The following CDC14B variants were observed in gnomAD, a reference collection of about 807,000 sequenced individuals.
The protein encoded by CDC14B is cell division cycle 14B.
A neutral mutation model predicts 64.2 loss-of-function variants in CDC14B; 22 were observed. The observed-to-expected ratio is 0.34, with a 90% CI of 0.24 to 0.49. The LOEUF is 0.49. CDC14B is among the 20% of genes least tolerant of loss of function. The pLI is 0.99. For synonymous variants in CDC14B, 191 were observed against 215.8 expected (o/e 0.89, Z 1.01); for missense variants, 498 against 629.9 (o/e 0.79, Z 2.24).
At position 96,508,877 on chromosome 9, in the gene CDC14B, G is replaced by C. The variant is rs118119568; in HGVS notation, c.1460+796C>G. On this transcript the variant is annotated intron_variant, in intron 13 of 13. Coordinates refer to ENST00000375241, the MANE Select transcript of CDC14B (RefSeq NM_033331.4). ...GAAAAGAAGCAGGGTACACGTGCAG[G>C]ACATTTTAAAGTCTGGTTCTGATTA... Among the ~76,000 whole-genome samples the C allele has an allele frequency of 9.2e-3, 1,402 of 152,310 alleles. 37 individuals are homozygous for C. The highest frequency in any genetic ancestry group is 0.074 in the East Asian group (384 of 5,180).
At chr9:96,581,678 G>T (rs1255979260) in intron 1 of CDC14B, among the ~76,000 whole-genome samples, 2 of 152,062 alleles carry the variant, frequency 1.3e-5, no homozygotes, top group Non-Finnish European at 2.9e-5. Context: ...GTTTGAACGT[G>T]TTGGTGTTAG....
At chr9:96,550,554 C>G (rs959976058) in intron 5 of CDC14B, among the ~76,000 whole-genome samples, 1 of 152,098 alleles carries the variant, frequency 6.6e-6, no homozygotes, top group Non-Finnish European at 1.5e-5. Flanking sequence ...ATGTAACAAT[C>G]CTAATACGAT....
intron 1 of CDC14B, among the ~76,000 whole-genome samples, chr9:96,614,241 T>TC (rs1457879946): frequency 6.6e-6 from 1 of 151,894 alleles, no homozygotes; most frequent in Non-Finnish European, 1.5e-5. Flanking sequence ...TTCTTTTCTT[T>TC]CTTTTTTTTT....
In CDC14B at chr9:96,503,665, CA is replaced by C. The variant is rs1263804931; in HGVS notation, c.*87del. ...GTGGAAAAAGCAACTAAGGCTTTTGCAATTTTGTTTTGTTTTCAAATTGTGC... is the reference window on the plus strand; with the variant it reads ...GTGGAAAAAGCAACTAAGGCTTTTGCATTTTGTTTTGTTTTCAAATTGTGC... On this transcript the variant is annotated 3_prime_UTR_variant, in exon 14 of 14. Coordinates refer to ENST00000375241, the MANE Select transcript of CDC14B (RefSeq NM_033331.4). 8.2e-7 allele frequency: 1 copy of C among 1,215,708 alleles called. No individual in the cohort carries two copies. Among genetic ancestry groups the C allele is most frequent in the African/African-American group, 1.5e-5 (1 of 65,820 alleles). 75.3% of individuals were successfully genotyped at this position (1,215,708 alleles called of 1,614,324 possible).
Position 96,603,835 on chromosome 9 carries a change from C to G in CDC14B, c.160+15384G>C, listed in dbSNP as rs1057213074. On this transcript the variant is annotated intron_variant, in intron 1 of 13. Coordinates refer to ENST00000375241, the MANE Select transcript of CDC14B (RefSeq NM_033331.4). ...AAAAAGGTACCGATAGTAAACAGCA[C>G]TGAGTGACATCACATGCGGTAACCT... Among the ~76,000 whole-genome samples, 4 of 152,190 alleles carry G rather than the reference C, an allele frequency of 2.6e-5. 1 individual carries two copies. The highest frequency in any genetic ancestry group is 9.7e-5 in the African/African-American group (4 of 41,450).
At chr9:96,547,063 A>G (rs1006195130) in intron 5 of CDC14B, among the ~76,000 whole-genome samples, 1 of 151,840 alleles carries the variant, frequency 6.6e-6, no homozygotes, top group African/African-American at 2.4e-5. Flanking sequence ...CTCCGACTCA[A>G]AAAAAAGTAG....
intron 1 of CDC14B, among the ~76,000 whole-genome samples, chr9:96,583,719 T>C (rs997491641): frequency 6.7e-5 from 10 of 148,406 alleles, no homozygotes; most frequent in African/African-American, 2.2e-4. Flanking sequence ...TTCTTATTTT[T>C]TATTTTTATT....
At chr9:96,518,106 T>C (rs954783285) in intron 12 of CDC14B, among the ~76,000 whole-genome samples, 1 of 152,208 alleles carries the variant, frequency 6.6e-6, no homozygotes, top group African/African-American at 2.4e-5. Context: ...TGTGACCAAA[T>C]ATTAGAGCCT....
intron 2 of CDC14B, among the ~76,000 whole-genome samples, chr9:96,565,185 T>C (rs1843737594): frequency 6.6e-6 from 1 of 151,816 alleles, no homozygotes; most frequent in Non-Finnish European, 1.5e-5. Context: ...GTAGTGTAAA[T>C]ATTAGACTAG....
At position 96,511,408 on chromosome 9, in the gene CDC14B, T is replaced by C. The variant is rs534062772; in HGVS notation, c.1344-1619A>G. ...CAAGATGGTGAAACCCCGTCTCTAC[T>C]AAAAATACAAAAATTAGCCGAGTGT... On this transcript the variant is annotated intron_variant, in intron 12 of 13. Coordinates refer to ENST00000375241, the MANE Select transcript of CDC14B (RefSeq NM_033331.4). Among the ~76,000 whole-genome samples, 4 of 152,248 alleles carry C rather than the reference T, an allele frequency of 2.6e-5. No individual in the cohort carries two copies. In the South Asian group the frequency reaches 6.2e-4, roughly 24 times the overall value.
intron 1 of CDC14B, among the ~76,000 whole-genome samples, chr9:96,598,586 CG>C (rs112329763): frequency 6.6e-5 from 10 of 152,252 alleles, no homozygotes; most frequent in African/African-American, 2.2e-4. Context: ...CCACCTGCCT[CG>C]GCCTCCCAAA....
chr9:96,536,299 G>T (rs1839257267), intron 7 of CDC14B, among the ~76,000 whole-genome samples: 1 of 152,190 alleles, frequency 6.6e-6, no homozygotes, highest in Non-Finnish European at 1.5e-5. Flanking sequence ...AGTAACAGGG[G>T]AGTTACTTAG....
At chr9:96,563,638 G>A (rs868154189) in intron 3 of CDC14B, among the ~76,000 whole-genome samples, 3 of 125,314 alleles carry the variant, frequency 2.4e-5, no homozygotes, top group South Asian at 2.5e-4. Flanking sequence ...CAACAAGAGC[G>A]AAACTCTGTC....
At chr9:96,558,394 A>T (rs1842758843) in intron 4 of CDC14B, among the ~76,000 whole-genome samples, 1 of 152,252 alleles carries the variant, frequency 6.6e-6, no homozygotes, top group African/African-American at 2.4e-5. Flanking sequence ...ACATGTATAA[A>T]ACTATCACAT....
intron 4 of CDC14B, among the ~76,000 whole-genome samples, chr9:96,557,714 C>T (rs965528037): frequency 6.6e-6 from 1 of 152,030 alleles, no homozygotes; most frequent in Admixed American, 6.6e-5. Context: ...ACAAGGTAAG[C>T]CATTCTTACA....
chr9:96,581,834 C>T (rs1845177222), intron 1 of CDC14B, among the ~76,000 whole-genome samples: 1 of 152,204 alleles, frequency 6.6e-6, no homozygotes, highest in South Asian at 2.1e-4. Context: ...CCTGCCAGGA[C>T]AAGATCCACC....
intron 1 of CDC14B, among the ~76,000 whole-genome samples, chr9:96,599,619 T>C (rs16911393): frequency 6.6e-6 from 1 of 152,184 alleles, no homozygotes; most frequent in Non-Finnish European, 1.5e-5. Context: ...ATCTGAAGTT[T>C]AGTTAATAAT....
chr9:96,579,942 A>T (rs1845044757), intron 1 of CDC14B, among the ~76,000 whole-genome samples: 1 of 152,080 alleles, frequency 6.6e-6, no homozygotes, highest in Admixed American at 6.6e-5. Context: ...AAAGCAATTG[A>T]CTAGGAGAAA....
At chr9:96,567,034 C>T in intron 1 of CDC14B, 1 of 1,303,142 alleles carries the variant, frequency 7.7e-7, no homozygotes, top group Non-Finnish European at 1.0e-6. Context: ...GCGACGAGGC[C>T]GTGGGGACGG....
Sources: gnomAD v4.1 joint callset for allele counts (sites outside exome capture counted in the v4.1 genomes callset) on GRCh38, gnomAD v4.1.1 for gene constraint, MANE v1.5 for transcripts, NCBI Gene and HGNC (gene_info 2026-07-23, HGNC 2026-07-21) for gene names.